The following RPS6KA1 variants were observed in gnomAD, a reference collection of about 807,000 sequenced individuals.
RPS6KA1 encodes ribosomal protein S6 kinase A1, also known as ribosomal protein S6 kinase alpha-1.
Under a neutral mutation model 91.3 loss-of-function variants are expected in RPS6KA1, and 48 were observed. The ratio of observed to expected loss-of-function variants is 0.53; its 90% CI spans 0.42 to 0.67. RPS6KA1 has a LOEUF of 0.67. Among genes scored for constraint, RPS6KA1 ranks in the 30% least tolerant of loss-of-function variants. The pLI, the probability that RPS6KA1 is intolerant of heterozygous loss-of-function variation, is 0.00. For missense variants in RPS6KA1, 719 were observed against 960.5 expected, an observed-to-expected ratio of 0.75 and a Z score of 3.32; for synonymous variants, 359 against 384.7, an observed-to-expected ratio of 0.93 and a Z score of 0.78.
rs142267713 is a variant in RPS6KA1, at chr1:26,532,244, A to T, written c.63+2261A>T. Reference sequence around the variant, plus strand: ...TGTTGAAAGCAGTAGCCTTGTCCCCAGGCCCAGTTCTGCCACGTACAGAGC... The same window carrying T: ...TGTTGAAAGCAGTAGCCTTGTCCCCTGGCCCAGTTCTGCCACGTACAGAGC... On this transcript the variant is annotated intron_variant, in intron 1 of 21. Transcript: ENST00000374168. Among the ~76,000 whole-genome samples, 134 of 152,272 alleles carry T rather than the reference A, an allele frequency of 8.8e-4. 1 individual carries two copies. The highest frequency in any genetic ancestry group is 3.1e-3 in the African/African-American group (128 of 41,550).
rs571030049 is a variant in RPS6KA1 at position 26,557,224 on chromosome 1, C to T, written c.1084+124C>T. 18 of 706,266 alleles carry T rather than the reference C, an allele frequency of 2.5e-5. No individual in the cohort carries two copies. In the East Asian group the frequency reaches 4.4e-4, roughly 17 times the overall value. 43.7% of individuals were successfully genotyped at this position (706,266 alleles called of 1,614,324 possible). A position where few individuals can be genotyped will look rare whatever the true frequency, so the allele number is the denominator to read the frequency against. On this transcript the variant is annotated intron_variant, in intron 13 of 21. Coordinates refer to ENST00000374168, the MANE Select transcript of RPS6KA1 (RefSeq NM_002953.4). ...AGGCCGAGGTATGCGGGTGGGCAGG[C>T]GGGTGAGTTTCTGGCTCCGTGGGAC...
intron 17 of RPS6KA1, among the ~76,000 whole-genome samples, chr1:26,562,929 C>T (rs1367263315): frequency 5.5e-5 from 8 of 146,670 alleles, no homozygotes; most frequent in African/African-American, 1.7e-4. Flanking sequence ...CTCTGCCTCC[C>T]GGGTTCAAGT....
intron 2 of RPS6KA1, among the ~76,000 whole-genome samples, chr1:26,543,524 G>A (rs2075965262): frequency 6.6e-6 from 1 of 152,160 alleles, no homozygotes; most frequent in East Asian, 1.9e-4. Context: ...TGTTTTTGTG[G>A]GGCTGTTCCA....
rs757698681 is a variant in RPS6KA1 at position 26,571,869 on chromosome 1, C to T, written c.1773C>T (p.Tyr591=). ...GCCAGGTGCTGAAGCGCCAGGGCTA[C>T]GATGAAGGCTGCGACATCTGGAGCC... is the stretch of plus-strand genomic sequence containing the variant. ...VAPEVLKRQG[Y]DEGCDIWSLG... Residue 591 remains tyrosine, a synonymous_variant, in exon 19 of 22, where the codon TAC becomes TAT. Transcript: ENST00000374168. The surrounding 1 kb of genome is among the most constrained non-coding windows in gnomAD (Gnocchi z 5.1). 1.3e-5 allele frequency: 21 copies of T among 1,610,712 alleles called. No individual in the cohort carries two copies. The highest frequency in any genetic ancestry group is 2.7e-5 in the African/African-American group (2 of 75,042).
chr1:26,567,196 A>T (rs992540955), intron 17 of RPS6KA1, among the ~76,000 whole-genome samples: 12 of 148,768 alleles, frequency 8.1e-5, no homozygotes, highest in Admixed American at 1.4e-4. Context: ...TAATTTTAAA[A>T]TTTTTTTTTT....
At chr1:26,559,483 C>T (rs547475546) in intron 14 of RPS6KA1, among the ~76,000 whole-genome samples, 2 of 152,134 alleles carry the variant, frequency 1.3e-5, no homozygotes, top group African/African-American at 4.8e-5. Context: ...TCTCCTGCCT[C>T]AGTCTCCCGA....
At chr1:26,549,048 A>G (rs2124632446) in intron 4 of RPS6KA1, among the ~76,000 whole-genome samples, 1 of 150,950 alleles carries the variant, frequency 6.6e-6, no homozygotes, top group Middle Eastern at 3.4e-3. Context: ...CATTGGCCAG[A>G]TCTCCTAAGA....
At chr1:26,539,983 G>A (rs908172734) in intron 2 of RPS6KA1, among the ~76,000 whole-genome samples, 2 of 152,190 alleles carry the variant, frequency 1.3e-5, no homozygotes, top group African/African-American at 4.8e-5. Flanking sequence ...CCTGGCCAGA[G>A]CTTAGGCAGG....
Position 26,554,605 on chromosome 1 carries a change from T to C in RPS6KA1, c.623T>C (p.Leu208Pro). 6.2e-7 allele frequency: 1 copy of C among 1,612,394 alleles called. No homozygotes were observed. ...EGHIKLTDFG[L>P]SKEAIDHEKK... ...GCCCTCCTTGCTGTAGACTTTGGCC[T>C]GAGCAAAGAGGCCATTGACCACGAG... Residue 208 changes from leucine (L) to proline (P), a missense_variant, in exon 9 of 22, where the codon CTG becomes CCG. Physicochemically the swap from Leu to Pro is moderately conservative, Grantham distance 98. Coordinates refer to ENST00000374168, the MANE Select transcript of RPS6KA1 (RefSeq NM_002953.4). The surrounding 1 kb of genome is among the most constrained non-coding windows in gnomAD (Gnocchi z 4.6).
intron 1 of RPS6KA1, among the ~76,000 whole-genome samples, chr1:26,535,233 T>C (rs982000965): frequency 1.3e-5 from 2 of 151,924 alleles, no homozygotes; most frequent in Admixed American, 6.6e-5. Flanking sequence ...TGTAGAACAT[T>C]TGGCCCCTGG....
intron 1 of RPS6KA1, among the ~76,000 whole-genome samples, chr1:26,532,276 A>G (rs1156787838): frequency 6.6e-6 from 1 of 152,154 alleles, no homozygotes; most frequent in Non-Finnish European, 1.5e-5. Flanking sequence ...GAGCTTTACT[A>G]TGTGCCACCC....
chr1:26,567,963 T>C lies in RPS6KA1; in HGVS notation c.1591-3486T>C, dbSNP rs533926325. On this transcript the variant is annotated intron_variant, in intron 17 of 21. Coordinates refer to ENST00000374168, the MANE Select transcript of RPS6KA1 (RefSeq NM_002953.4). ...TTCACACCCTGGCCTGCCCGACTCCTTCCTGTGACTGGAATCCCAACTCTC... is the reference window on the plus strand; with the variant it reads ...TTCACACCCTGGCCTGCCCGACTCCCTCCTGTGACTGGAATCCCAACTCTC... Among the ~76,000 whole-genome samples the C allele has an allele frequency of 2.0e-4, 31 of 152,320 alleles. No individual in the cohort carries two copies. The South Asian group carries it at 6.4e-3, about 32-fold the overall frequency.
At position 26,546,898 on chromosome 1, in the gene RPS6KA1, C is replaced by T. The variant is rs1326899311; in HGVS notation, c.140C>T (p.Thr47Met). 1.5e-5 allele frequency: 24 copies of T among 1,614,032 alleles called. No individual in the cohort carries two copies. Among genetic ancestry groups the T allele is most frequent in the East Asian group, 2.2e-5 (1 of 44,892 alleles). ...DEGVLKEISI[T>M]HHVKAGSEKA... is the part of the protein sequence containing the mutation. ...GGCGTCCTCAAGGAGATCTCCATCACGCACCACGTCAAGGCTGGCTCTGAG... is the reference window on the plus strand; with the variant it reads ...GGCGTCCTCAAGGAGATCTCCATCATGCACCACGTCAAGGCTGGCTCTGAG... The change falls in exon 3 of 22, where the codon ACG (threonine) becomes ATG (methionine). Residue 47 changes from threonine to methionine, a missense_variant. Physicochemically the swap from Thr to Met is moderately conservative, Grantham distance 81. Transcript: ENST00000374168.
At chr1:26,545,230 C>T (rs1261607011) in intron 2 of RPS6KA1, among the ~76,000 whole-genome samples, 2 of 149,562 alleles carry the variant, frequency 1.3e-5, no homozygotes, top group African/African-American at 2.5e-5. Flanking sequence ...AGTGCAGTGG[C>T]GCTATCTCGG....
intron 4 of RPS6KA1, among the ~76,000 whole-genome samples, chr1:26,550,023 G>A (rs2076034230): frequency 5.9e-5 from 9 of 151,982 alleles, no homozygotes; most frequent in Admixed American, 5.9e-4. Context: ...GGGATTACAG[G>A]CCCACGCCAC....
Position 26,551,488 on chromosome 1 carries a change from T to C in RPS6KA1, c.388+11T>C, listed in dbSNP as rs747861121. The C allele has an allele frequency of 1.9e-6, 3 of 1,613,162 alleles. No homozygotes were observed. The highest frequency in any genetic ancestry group is 2.5e-6 in the Non-Finnish European group (3 of 1,179,100). ...TGAAGCTGCACTATGGTAAAGCTTC[T>C]GGCCCTGCCTGAGCTCCTACCCCAC... is the stretch of plus-strand genomic sequence containing the variant. On this transcript the variant is annotated intron_variant, in intron 5 of 21. Coordinates refer to ENST00000374168, the MANE Select transcript of RPS6KA1 (RefSeq NM_002953.4). This position sits in a 1 kb window ranked among gnomAD's most constrained non-coding sequence, Gnocchi z 4.5.
In RPS6KA1 at chr1:26,555,153, T is replaced by C; in HGVS notation, c.759T>C (p.Phe253=). 1.2e-6 allele frequency: 2 copies of C among 1,611,824 alleles called. No individual in the cohort carries two copies. The highest frequency in any genetic ancestry group is 1.7e-6 in the Non-Finnish European group (2 of 1,177,938). Residue 253 remains phenylalanine, a splice_region_variant and synonymous_variant, in exon 10 of 22, where the codon TTT becomes TTC. Transcript: ENST00000374168. This position sits in a 1 kb window ranked among gnomAD's most constrained non-coding sequence, Gnocchi z 4.3. ...GAATAGATCCTTGTCCTCTGCAGTT[T>C]GAGATGCTGACGGGCTCCCTGCCCT... ...ADWWSYGVLM[F]EMLTGSLPFQ...
At position 26,547,037 on chromosome 1, in the gene RPS6KA1, G is replaced by C; in HGVS notation, c.225+54G>C. 6.5e-7 allele frequency: 1 copy of C among 1,548,240 alleles called. No individual in the cohort carries two copies. The highest frequency in any genetic ancestry group is 8.9e-7 in the Non-Finnish European group (1 of 1,120,678). On this transcript the variant is annotated intron_variant, in intron 3 of 21. Transcript: ENST00000374168. This position sits in a 1 kb window ranked among gnomAD's most constrained non-coding sequence, Gnocchi z 4.1. ...CAACACTCGTCATGTTAGAGGTGGG[G>C]GTCAAGGGTCACCTAGGGGCCCAAA...
At chr1:26,539,263 G>C (rs954886078) in intron 2 of RPS6KA1, among the ~76,000 whole-genome samples, 1 of 152,236 alleles carries the variant, frequency 6.6e-6, no homozygotes, top group African/African-American at 2.4e-5. Flanking sequence ...GTGTGGACCA[G>C]AGACATGGTC....
Sources: gnomAD v4.1 joint callset for allele counts (sites outside exome capture counted in the v4.1 genomes callset) on GRCh38, gnomAD v4.1.1 for gene constraint, Gnocchi (gnomAD v3.1) non-coding constraint, MANE v1.5 for transcripts, NCBI Gene and HGNC (gene_info 2026-07-23, HGNC 2026-07-21) for gene names.